ZNF829: variants seen among roughly 807,000 people sequenced by gnomAD.
ZNF829 encodes zinc finger protein 829.
ZNF829 carries 25 observed loss-of-function variants against 35.2 expected under a neutral mutation model. That is an observed-to-expected ratio of 0.71 (90% confidence interval 0.52 to 0.99). The LOEUF (loss-of-function observed/expected upper bound fraction) is 0.99. ZNF829 is among the 50% of genes least tolerant of loss of function. The pLI, the probability that ZNF829 is intolerant of heterozygous loss-of-function variation, is 0.00. For missense variants in ZNF829, 417 were observed against 515.3 expected, an observed-to-expected ratio of 0.81 and a Z score of 1.85; for synonymous variants, 136 against 163.2, an observed-to-expected ratio of 0.83 and a Z score of 1.27.
rs1361218975 is a variant in ZNF829 at position 36,889,807 on chromosome 19, G to C, written c.*1685C>G. On this transcript the variant is annotated 3_prime_UTR_variant, in exon 6 of 6. Transcript: ENST00000391711. ...ATTTGTTATTGCTTTTCTTCTGCCA[G>C]CTTTGGGTTGAGTTTGTTTTGTTTT... 6.6e-6 allele frequency: 1 copy of C among 152,028 alleles called. No individual in the cohort carries two copies. The highest frequency in any genetic ancestry group is 1.5e-5 in the Non-Finnish European group (1 of 68,014). The allele number at this position is 152,028 out of a possible 1,614,324, so 9.4% of individuals were successfully genotyped here.
chr19:36,915,716 G>C, intron 1 of ZNF829: 1 of 751,304 alleles, frequency 1.3e-6, no homozygotes, highest in South Asian at 1.8e-5. Flanking sequence ...TCCTGCCTCA[G>C]CCTGCGAGTA....
chr19:36,903,591 G>T (rs930252082), intron 5 of ZNF829, among the ~76,000 whole-genome samples: 2 of 152,072 alleles, frequency 1.3e-5, no homozygotes, highest in African/African-American at 4.8e-5. Flanking sequence ...ATATGCTTTT[G>T]TTATCAAGGA....
At chr19:36,909,268 G>T (rs2073243572) in intron 3 of ZNF829, among the ~76,000 whole-genome samples, 2 of 152,240 alleles carry the variant, frequency 1.3e-5, no homozygotes, top group South Asian at 4.1e-4. Flanking sequence ...TAAGGAGCTA[G>T]TATGTTTCAT....
In ZNF829 at chr19:36,904,492, T is replaced by G. The variant is rs181624424; in HGVS notation, c.319+3437A>C. On this transcript the variant is annotated intron_variant, in intron 5 of 5. Coordinates refer to ENST00000391711, the MANE Select transcript of ZNF829 (RefSeq NM_001037232.4). ...TCAGCTCACTGCAACTTCCACCTCC[T>G]GGGTTCAAGCGATTCTCCTGCCTTG... 6.9e-3 allele frequency among the ~76,000 whole-genome samples: 1,048 copies of G among 152,222 alleles called. 12 individuals are homozygous for G. The highest frequency in any genetic ancestry group is 0.024 in the African/African-American group (992 of 41,530).
chr19:36,892,253 C>T lies in ZNF829; in HGVS notation c.538G>A (p.Gly180Ser), dbSNP rs1415988309. 6 of 1,613,804 alleles carry T rather than the reference C, an allele frequency of 3.7e-6. No individual in the cohort carries two copies. The Admixed American group carries it at 1.0e-4, about 27-fold the overall frequency. Residue 180 changes from glycine to serine, a missense_variant, in exon 6 of 6, where the codon GGT becomes AGT. Physicochemically the swap from Gly to Ser is moderately conservative, Grantham distance 56. Transcript: ENST00000391711. ...TCCTTAGATTCATAGTGTTTTTCAC[C>T]AAAATGAATTCTCTGATGTTGGATA... ...QFIQHQRIHF[G>S]EKHYESKEYG...
At position 36,916,179 on chromosome 19, in the gene ZNF829, A is replaced by C; in HGVS notation, c.-253T>G. The C allele has an allele frequency of 2.0e-6, 1 of 491,788 alleles. No homozygotes were observed. The allele number at this position is 491,788 out of a possible 1,614,324, so 30.5% of individuals were successfully genotyped here. A position where few individuals can be genotyped will look rare whatever the true frequency, so the allele number is the denominator to read the frequency against. ...GAAACGGCTGCTCCCTCAACTCTCAACATCCAGCCGAGCCTCGGAGTTGCG... is the reference window on the plus strand; with the variant it reads ...GAAACGGCTGCTCCCTCAACTCTCACCATCCAGCCGAGCCTCGGAGTTGCG... On this transcript the variant is annotated 5_prime_UTR_variant, in exon 1 of 6. Transcript: ENST00000391711. This position sits in a 1 kb window ranked among gnomAD's most constrained non-coding sequence, Gnocchi z 5.3.
intron 5 of ZNF829, among the ~76,000 whole-genome samples, chr19:36,903,548 T>G (rs1321762328): frequency 6.6e-6 from 1 of 152,198 alleles, no homozygotes; most frequent in Non-Finnish European, 1.5e-5. Flanking sequence ...TAGTTGAGAC[T>G]ATCTGGGAAT....
At position 36,915,025 on chromosome 19, in the gene ZNF829, G is replaced by A; in HGVS notation, c.39-3C>T. On this transcript the variant is annotated splice_polypyrimidine_tract_variant and splice_region_variant and intron_variant, in intron 2 of 5. Coordinates refer to ENST00000391711, the MANE Select transcript of ZNF829 (RefSeq NM_001037232.4). ...TTTCCTCCTCTTCTGGGTGACACCT[G>A]GAGAAAGGTAAAATTGGGAGAGGGA... is the stretch of plus-strand genomic sequence containing the variant. 6.2e-7 allele frequency: 1 copy of A among 1,614,110 alleles called. No homozygotes were observed. Among genetic ancestry groups the A allele is most frequent in the South Asian group, 1.1e-5 (1 of 91,080 alleles).
chr19:36,896,836 TAAATGG>T (rs1281226998), intron 5 of ZNF829, among the ~76,000 whole-genome samples: 6 of 152,260 alleles, frequency 3.9e-5, no homozygotes, highest in Non-Finnish European at 7.4e-5. Flanking sequence ...ACCACACAAA[TAAATGG>T]AAATTTAAAC....
At chr19:36,912,493 A>C (rs2073272511) in intron 3 of ZNF829, among the ~76,000 whole-genome samples, 1 of 152,172 alleles carries the variant, frequency 6.6e-6, no homozygotes, top group Non-Finnish European at 1.5e-5. Flanking sequence ...ATCATCTATA[A>C]AGCGATAATC....
chr19:36,913,795 T>TA (rs2073283370), intron 3 of ZNF829, among the ~76,000 whole-genome samples: 1 of 152,170 alleles, frequency 6.6e-6, no homozygotes, highest in Admixed American at 6.5e-5. Context: ...CACATTTATA[T>TA]ATCTTACACT....
intron 3 of ZNF829, among the ~76,000 whole-genome samples, chr19:36,909,623 A>G (rs1384378152): frequency 6.6e-6 from 1 of 152,082 alleles, no homozygotes; most frequent in African/African-American, 2.4e-5. Flanking sequence ...CCTGGCCAAC[A>G]TGATGAAACC....
Position 36,891,879 on chromosome 19 carries a change from G to A in ZNF829, c.912C>T (p.Ala304=). 1 of 1,613,908 alleles carries A rather than the reference G, an allele frequency of 6.2e-7. No individual in the cohort carries two copies. The highest frequency in any genetic ancestry group is 8.5e-7 in the Non-Finnish European group (1 of 1,179,958). ...KPYECKECGK[A]FTQHSRLIQH... is the part of the protein sequence containing the mutation. The stretch of plus-strand genomic sequence containing the variant: ...GAATAAGCCTTGAGTGTTGAGTAAA[G>A]GCTTTCCCACATTCTTTACATTCAT... The change falls in exon 6 of 6, where the codon GCC becomes GCT. Residue 304 remains alanine (A), a synonymous_variant. Coordinates refer to ENST00000391711, the MANE Select transcript of ZNF829 (RefSeq NM_001037232.4).
intron 5 of ZNF829, among the ~76,000 whole-genome samples, chr19:36,897,457 A>T (rs1259740025): frequency 1.3e-5 from 2 of 152,236 alleles, no homozygotes; most frequent in Non-Finnish European, 2.9e-5. Context: ...TAAAAACCAT[A>T]TGATCAGCTC....
At chr19:36,905,869 C>T (rs2073211300) in intron 5 of ZNF829, 1 of 151,748 alleles carries the variant, frequency 6.6e-6, no homozygotes, top group Admixed American at 6.6e-5. Context: ...ACAAATAAGC[C>T]AAAGGAACAG....
intron 3 of ZNF829, among the ~76,000 whole-genome samples, chr19:36,913,187 C>A (rs1290823548): frequency 6.6e-6 from 1 of 152,112 alleles, no homozygotes; most frequent in Non-Finnish European, 1.5e-5. Flanking sequence ...AAAAGAAATT[C>A]AGATAGAAAG....
At chr19:36,908,680 G>A (rs569068) in intron 3 of ZNF829, among the ~76,000 whole-genome samples, 3,959 of 152,178 alleles carry the variant, frequency 0.026, 181 homozygotes, top group African/African-American at 0.089. Context: ...CCCCCTCCCC[G>A]CTTTCCCTTT....
At chr19:36,910,779 G>C (rs1363834118) in intron 3 of ZNF829, among the ~76,000 whole-genome samples, 2 of 152,084 alleles carry the variant, frequency 1.3e-5, no homozygotes, top group East Asian at 3.9e-4. Flanking sequence ...AGCCAAGGGG[G>C]GTGGATCACC....
At chr19:36,901,498 T>C (rs536849564) in intron 5 of ZNF829, among the ~76,000 whole-genome samples, 128 of 152,290 alleles carry the variant, frequency 8.4e-4, no homozygotes, top group African/African-American at 2.9e-3. Flanking sequence ...AACTATATGG[T>C]ATGTGAATTA....
Sources: allele counts gnomAD v4.1 joint callset (sites outside exome capture counted in the v4.1 genomes callset), GRCh38; gene constraint gnomAD v4.1.1; non-coding constraint Gnocchi (gnomAD v3.1); transcripts MANE v1.5; gene names NCBI Gene and HGNC (gene_info 2026-07-23, HGNC 2026-07-21).